PRKDC: variants seen among roughly 807,000 people sequenced by gnomAD.
PRKDC encodes the protein DNA-dependent protein kinase catalytic subunit.
In PRKDC, 82 loss-of-function variants were observed where a neutral mutation model predicts 486.9. That is an observed-to-expected ratio of 0.17 (90% CI 0.14 to 0.20). PRKDC has a LOEUF of 0.20. PRKDC is among the 10% of genes least tolerant of loss of function. The pLI is 1.00. For missense variants in PRKDC, 4,504 were observed against 5,038.2 expected (o/e 0.89, Z 3.21); for synonymous variants, 1,895 against 1,837.0 (o/e 1.03, Z -0.81).
At chr8:47,826,593 T>A in intron 63 of PRKDC, 63 bp downstream of exon 63, 2 of 1,475,656 alleles carry the variant, frequency 1.4e-6, no homozygotes, top group South Asian at 2.6e-5. Context: ...TGAAGCCAAG[T>A]GTTTTCCGTA....
At chr8:47,877,664 T>A in intron 40 of PRKDC, 60 bp downstream of exon 40, 1 of 1,408,572 alleles carries the variant, frequency 7.1e-7, no homozygotes, top group Non-Finnish European at 9.4e-7. Flanking sequence ...ACAGAGAGGA[T>A]AATTTCCCAC....
chr8:47,847,115 C>A, intron 54 of PRKDC, among the ~76,000 whole-genome samples: 1 of 152,222 alleles, frequency 6.6e-6, no homozygotes, highest in East Asian at 1.9e-4. Flanking sequence ...CTACCTATGT[C>A]ACTTTTCACA....
At chr8:47,922,302 T>C (rs2090084816) in intron 21 of PRKDC, among the ~76,000 whole-genome samples, 1 of 151,912 alleles carries the variant, frequency 6.6e-6, no homozygotes, top group South Asian at 2.1e-4. Context: ...CCAGCTAATT[T>C]TTAAAATTTT....
chr8:47,938,949 C>T (rs150915764), intron 11 of PRKDC, among the ~76,000 whole-genome samples: 11 of 152,168 alleles, frequency 7.2e-5, no homozygotes, highest in Non-Finnish European at 1.3e-4. Context: ...AAATCAACTA[C>T]AATTTTACTT....
intron 40 of PRKDC, among the ~76,000 whole-genome samples, chr8:47,871,132 G>T (rs1417735934): frequency 6.6e-6 from 1 of 152,192 alleles, no homozygotes; most frequent in Non-Finnish European, 1.5e-5. Flanking sequence ...TGGTCTTAAA[G>T]AAAAGGTAGC....
chr8:47,853,494 A>ATCTT (rs1358872371), intron 51 of PRKDC, among the ~76,000 whole-genome samples: 1 of 152,078 alleles, frequency 6.6e-6, no homozygotes, highest in East Asian at 1.9e-4. Flanking sequence ...CAGGACAAAG[A>ATCTT]TGTCCTGCTC....
chr8:47,833,092 G>A (rs1051478745), intron 59 of PRKDC, among the ~76,000 whole-genome samples: 5 of 152,168 alleles, frequency 3.3e-5, no homozygotes, highest in Non-Finnish European at 5.9e-5. Context: ...CAGCACCCAG[G>A]TGGCTCCACC....
rs535232308 is a variant in PRKDC at position 47,884,283 on chromosome 8, A to G, written c.4776+1661T>C. 2.0e-5 allele frequency among the ~76,000 whole-genome samples: 3 copies of G among 152,188 alleles called. No homozygotes were observed. The East Asian group carries it at 5.8e-4, about 30-fold the overall frequency. ...GCAGGGGAGAGCTGGCCTTTGCCCA[A>G]TCCTCTCTTCTCAGCCTCTGCTCAC... On this transcript the variant is annotated intron_variant, in intron 36 of 85. Transcript: ENST00000314191.
chr8:47,787,237 G>A (rs2086806542), intron 76 of PRKDC, among the ~76,000 whole-genome samples: 1 of 152,134 alleles, frequency 6.6e-6, no homozygotes, highest in Admixed American at 6.5e-5. Flanking sequence ...TACCAAATTT[G>A]TAACTAATGT....
intron 25 of PRKDC, among the ~76,000 whole-genome samples, chr8:47,906,264 T>C (rs1448638466): frequency 6.6e-6 from 1 of 152,100 alleles, no homozygotes; most frequent in Non-Finnish European, 1.5e-5. Flanking sequence ...GGTGGATGGC[T>C]TGGGCCCAGG....
chr8:47,912,420 T>G lies in PRKDC; in HGVS notation c.2924A>C (p.Asp975Ala). 2 of 1,589,228 alleles carry G rather than the reference T, an allele frequency of 1.3e-6. No individual in the cohort carries two copies. The highest frequency in any genetic ancestry group is 1.1e-5 in the South Asian group (1 of 87,536). ...TFPVLLRLAC[D>A]VDQVTRQLYE... is the part of the protein sequence containing the mutation. ...ATTCAAAGCCCTTACCTGATCAACATCACACGCAAGTCGAAGCAGCACAGG... is the reference window on the plus strand; with the variant it reads ...ATTCAAAGCCCTTACCTGATCAACAGCACACGCAAGTCGAAGCAGCACAGG... The change falls in exon 25 of 86, where the codon GAT (aspartate) becomes GCT (alanine). Residue 975 changes from aspartate (D) to alanine (A), a missense_variant. Physicochemically the swap from Asp to Ala is moderately radical, Grantham distance 126. Around this residue, in one of 6 missense-constraint regions of PRKDC, gnomAD observed 1,969 missense variants for 2,068.9 expected, o/e 0.95. Coordinates refer to ENST00000314191, the MANE Select transcript of PRKDC (RefSeq NM_006904.7).
intron 35 of PRKDC, 60 bp downstream of exon 35, chr8:47,887,487 C>G: frequency 7.2e-7 from 1 of 1,394,522 alleles, no homozygotes; most frequent in Non-Finnish European, 9.4e-7. Context: ...GAGACACCTG[C>G]AAGTGACATA....
chr8:47,852,329 A>T (rs2088427259), intron 52 of PRKDC, among the ~76,000 whole-genome samples: 1 of 152,212 alleles, frequency 6.6e-6, no homozygotes. Context: ...GGGGGAGGAC[A>T]GCAGCTATCT....
rs2154504158 is a variant in PRKDC at position 47,943,863 on chromosome 8, A to G, written c.798T>C (p.Ala266=). Residue 266 remains alanine, a synonymous_variant, in exon 9 of 86, where the codon GCT becomes GCC. Transcript: ENST00000314191. The part of the protein sequence containing the change: ...IRPQIDLKRY[A]VPSAGLRLFA... ...TAAACAGAATCCTACCTGAGGGCAC[A>G]GCATATCTCTTCAGATCAATCTATT... 15 of 1,592,066 alleles carry G rather than the reference A, an allele frequency of 9.4e-6. No individual in the cohort carries two copies. Among genetic ancestry groups the G allele is most frequent in the Non-Finnish European group, 1.3e-5 (15 of 1,166,628 alleles).
At chr8:47,829,212 G>A (rs2087807910) in intron 61 of PRKDC, among the ~76,000 whole-genome samples, 1 of 152,168 alleles carries the variant, frequency 6.6e-6, no homozygotes, top group Admixed American at 6.5e-5. Context: ...TGAAGGAGGT[G>A]AGACTTGTGC....
intron 9 of PRKDC, 145 bp from the exon 10 acceptor site, chr8:47,943,511 TC>T: frequency 2.3e-6 from 2 of 878,068 alleles, no homozygotes; most frequent in Non-Finnish European, 3.4e-6. Context: ...GGGATTCCTG[TC>T]AGAGCTCTAA....
At chr8:47,908,492 T>C (rs1431866686) in intron 25 of PRKDC, among the ~76,000 whole-genome samples, 2 of 152,182 alleles carry the variant, frequency 1.3e-5, no homozygotes, top group East Asian at 3.8e-4. Flanking sequence ...GTACAAACTT[T>C]ATAGAAAGAC....
intron 60 of PRKDC, 120 bp from the exon 61 acceptor site, chr8:47,830,856 G>A (rs1277064992): frequency 3.5e-5 from 41 of 1,186,814 alleles, no homozygotes; most frequent in Non-Finnish European, 4.6e-5. Flanking sequence ...GGGAACTGAT[G>A]CTCGCAGAGG....
Position 47,776,680 on chromosome 8 carries a change from T to G in PRKDC, c.12182+164A>C, listed in dbSNP as rs536217154. ...CAGAGTTGCAGGCCTTGCCCTGGCT[T>G]TGGGGAAGTCAGCCTCTCTAAGCCC... On this transcript the variant is annotated intron_variant, in intron 85 of 85. Coordinates refer to ENST00000314191, the MANE Select transcript of PRKDC (RefSeq NM_006904.7). 3.9e-5 allele frequency among the ~76,000 whole-genome samples: 6 copies of G among 152,266 alleles called. No individual in the cohort carries two copies. In the East Asian group the frequency reaches 5.8e-4, roughly 15 times the overall value.
Sources: gnomAD v4.1 joint callset for allele counts (sites outside exome capture counted in the v4.1 genomes callset) on GRCh38, gnomAD v4.1.1 for gene constraint, gnomAD v4.1.1 regional missense constraint, MANE v1.5 for transcripts, NCBI Gene and HGNC (gene_info 2026-07-23, HGNC 2026-07-21) for gene names.